Variants in KCNH8 observed in about 807,000 individuals in gnomAD.
KCNH8 encodes potassium voltage-gated channel subfamily H member 8.
KCNH8 carries 70 observed loss-of-function variants against 103.6 expected under a neutral mutation model. The ratio of observed to expected loss-of-function variants is 0.68; its 90% CI spans 0.56 to 0.82. The LOEUF is 0.82. KCNH8 is among the 40% of genes least tolerant of loss of function. The pLI is 0.00. For synonymous variants in KCNH8, 498 were observed against 489.4 expected, an observed-to-expected ratio of 1.02 and a Z score of -0.23; for missense variants, 1,217 against 1,329.9, an observed-to-expected ratio of 0.92 and a Z score of 1.32.
intron 7 of KCNH8, among the ~76,000 whole-genome samples, chr3:19,399,874 G>GT (rs2066583947): frequency 6.6e-6 from 1 of 151,876 alleles, no homozygotes; most frequent in East Asian, 1.9e-4. Context: ...AGCAGGATGT[G>GT]TAGACTCAGA....
chr3:19,493,246 T>A (rs1020765542), intron 11 of KCNH8, among the ~76,000 whole-genome samples: 1 of 152,100 alleles, frequency 6.6e-6, no homozygotes, highest in African/African-American at 2.4e-5. Flanking sequence ...GCTAGGACTT[T>A]CAGTACTATG....
intron 1 of KCNH8, among the ~76,000 whole-genome samples, chr3:19,197,513 G>A (rs2063613959): frequency 6.6e-6 from 1 of 152,038 alleles, no homozygotes; most frequent in African/African-American, 2.4e-5. Flanking sequence ...TGTCTTTGGG[G>A]TATGTAAGCA....
chr3:19,511,931 A>G (rs1303090581), intron 12 of KCNH8, among the ~76,000 whole-genome samples: 1 of 152,184 alleles, frequency 6.6e-6, no homozygotes, highest in East Asian at 1.9e-4. Flanking sequence ...AAAAATCCGT[A>G]TACACCAAAA....
At position 19,499,682 on chromosome 3, in the gene KCNH8, C is replaced by G. The variant is rs1359235706; in HGVS notation, c.2041-10681C>G. On this transcript the variant is annotated intron_variant, in intron 11 of 15. Transcript: ENST00000328405. Reference sequence around the variant, plus strand: ...TTCAACCCAGAATTTCATATCCAGCCAAACTAAGCTTCATAAGTGAAGGAT... The same window carrying G: ...TTCAACCCAGAATTTCATATCCAGCGAAACTAAGCTTCATAAGTGAAGGAT... 2.0e-5 allele frequency among the ~76,000 whole-genome samples: 3 copies of G among 152,218 alleles called. No individual in the cohort carries two copies. In the South Asian group the frequency reaches 6.2e-4, roughly 32 times the overall value.
intron 11 of KCNH8, among the ~76,000 whole-genome samples, chr3:19,459,067 C>T (rs1231082433): frequency 6.6e-6 from 1 of 151,986 alleles, no homozygotes; most frequent in Non-Finnish European, 1.5e-5. Flanking sequence ...AATGGGAGTG[C>T]ATATATCTCT....
chr3:19,491,390 C>G lies in KCNH8; in HGVS notation c.2041-18973C>G, dbSNP rs187132918. 1.1e-3 allele frequency among the ~76,000 whole-genome samples: 171 copies of G among 152,264 alleles called. 1 individual carries two copies. Among genetic ancestry groups the G allele is most frequent in the Middle Eastern group, 0.01 (3 of 294 alleles). On this transcript the variant is annotated intron_variant, in intron 11 of 15. Coordinates refer to ENST00000328405, the MANE Select transcript of KCNH8 (RefSeq NM_144633.3). ...TCCTATGTTTATGTACATGTGTACTCATTGTTTAGCTACCATTTGTAAATG... is the reference window on the plus strand; with the variant it reads ...TCCTATGTTTATGTACATGTGTACTGATTGTTTAGCTACCATTTGTAAATG...
chr3:19,332,325 A>G (rs1271663483), intron 3 of KCNH8, among the ~76,000 whole-genome samples: 3 of 152,208 alleles, frequency 2.0e-5, no homozygotes, highest in Non-Finnish European at 4.4e-5. Flanking sequence ...AGAGAATGCT[A>G]TAATGGAATA....
chr3:19,306,064 G>C (rs898624559), intron 3 of KCNH8, among the ~76,000 whole-genome samples: 1 of 152,080 alleles, frequency 6.6e-6, no homozygotes, highest in African/African-American at 2.4e-5. Context: ...AGAAATGGGA[G>C]GAGAGGATCT....
chr3:19,179,536 A>G (rs1040118267), intron 1 of KCNH8, among the ~76,000 whole-genome samples: 1 of 152,154 alleles, frequency 6.6e-6, no homozygotes, highest in Non-Finnish European at 1.5e-5. Flanking sequence ...ATTTGGTAGT[A>G]TTTCAGAACA....
chr3:19,254,554 G>A (rs768633932), intron 2 of KCNH8, among the ~76,000 whole-genome samples: 1 of 152,132 alleles, frequency 6.6e-6, no homozygotes, highest in East Asian at 1.9e-4. Flanking sequence ...ATCTAGGGGT[G>A]TGTAAGGTGT....
intron 3 of KCNH8, among the ~76,000 whole-genome samples, chr3:19,312,820 A>G (rs1257867443): frequency 1.3e-5 from 2 of 151,954 alleles, no homozygotes; most frequent in Non-Finnish European, 2.9e-5. Context: ...ATGTTCTACA[A>G]GATTTCTTCC....
At chr3:19,461,598 C>G (rs2067629591) in intron 11 of KCNH8, among the ~76,000 whole-genome samples, 1 of 152,084 alleles carries the variant, frequency 6.6e-6, no homozygotes, top group South Asian at 2.1e-4. Context: ...TGGAAATGTA[C>G]ACAACATAAA....
At chr3:19,165,884 A>G (rs1182989965) in intron 1 of KCNH8, among the ~76,000 whole-genome samples, 2 of 152,106 alleles carry the variant, frequency 1.3e-5, no homozygotes, top group East Asian at 1.9e-4. Context: ...CAACTAGGGC[A>G]TTTCTCCTCC....
chr3:19,196,928 G>A (rs1053962345), intron 1 of KCNH8, among the ~76,000 whole-genome samples: 2 of 151,910 alleles, frequency 1.3e-5, no homozygotes, highest in Non-Finnish European at 1.5e-5. Flanking sequence ...CTAATAAATA[G>A]CAGAGGTGGA....
intron 11 of KCNH8, among the ~76,000 whole-genome samples, chr3:19,470,917 C>T (rs970564473): frequency 1.3e-5 from 2 of 152,202 alleles, no homozygotes; most frequent in Non-Finnish European, 2.9e-5. Flanking sequence ...TGCAGTGGCT[C>T]ATGCTTCATC....
intron 5 of KCNH8, among the ~76,000 whole-genome samples, chr3:19,370,858 T>A (rs935626948): frequency 3.3e-5 from 5 of 149,436 alleles, no homozygotes; most frequent in Admixed American, 6.8e-5. Flanking sequence ...GAATATGCGG[T>A]GTTTGGTTTT....
At chr3:19,509,235 T>C (rs567289636) in intron 11 of KCNH8, among the ~76,000 whole-genome samples, 1 of 152,322 alleles carries the variant, frequency 6.6e-6, no homozygotes, top group Admixed American at 6.5e-5. Context: ...AAACATATAT[T>C]TGCACAGCAA....
intron 1 of KCNH8, among the ~76,000 whole-genome samples, chr3:19,225,104 A>G (rs1575449213): frequency 6.6e-6 from 1 of 152,142 alleles, no homozygotes; most frequent in African/African-American, 2.4e-5. Context: ...CATGGAATAC[A>G]TTGAATACTA....
At chr3:19,496,079 A>G (rs559223029) in intron 11 of KCNH8, among the ~76,000 whole-genome samples, 2 of 152,338 alleles carry the variant, frequency 1.3e-5, no homozygotes, top group African/African-American at 4.8e-5. Flanking sequence ...ATTGTTTATC[A>G]GATCACAGAG....
Sources: gnomAD v4.1 joint callset for allele counts (sites outside exome capture counted in the v4.1 genomes callset) on GRCh38, gnomAD v4.1.1 for gene constraint, MANE v1.5 for transcripts, NCBI Gene and HGNC (gene_info 2026-07-23, HGNC 2026-07-21) for gene names.